The following LRFN5 variants were observed in gnomAD, a reference collection of about 807,000 sequenced individuals.
LRFN5 encodes the protein leucine rich repeat and fibronectin type III domain containing 5.
In LRFN5, 24 loss-of-function variants were observed where a neutral mutation model predicts 45.6. The observed-to-expected ratio is 0.53, with a 90% confidence interval of 0.38 to 0.74. The LOEUF (loss-of-function observed/expected upper bound fraction) is 0.74. LRFN5 is among the 30% of genes least tolerant of loss of function. The pLI, the probability that LRFN5 is intolerant of heterozygous loss-of-function variation, is 0.00. For missense variants in LRFN5, 776 were observed against 861.5 expected, an observed-to-expected ratio of 0.90 and a Z score of 1.24; for synonymous variants, 340 against 313.8, an observed-to-expected ratio of 1.08 and a Z score of -0.88.
intron 1 of LRFN5, among the ~76,000 whole-genome samples, chr14:41,705,631 C>G (rs1406152665): frequency 2.0e-5 from 3 of 152,020 alleles, no homozygotes; most frequent in Non-Finnish European, 4.4e-5. Flanking sequence ...TTGTCCAGCT[C>G]TTCTGTTCTT....
intron 1 of LRFN5, among the ~76,000 whole-genome samples, chr14:41,647,469 C>T (rs1007853382): frequency 6.6e-6 from 1 of 152,058 alleles, no homozygotes; most frequent in Non-Finnish European, 1.5e-5. Flanking sequence ...GTAGGTACGT[C>T]AGGAGATTTT....
intron 2 of LRFN5, among the ~76,000 whole-genome samples, chr14:41,882,421 A>G (rs145309879): frequency 1.3e-5 from 2 of 152,246 alleles, no homozygotes; most frequent in African/African-American, 4.8e-5. Context: ...GATAACTGAA[A>G]TCCCTGAGGG....
rs370415610 is a variant in LRFN5, at chr14:41,796,327, A to G, written c.-21+29298A>G. On this transcript the variant is annotated intron_variant, in intron 2 of 5. Coordinates refer to ENST00000298119, the MANE Select transcript of LRFN5 (RefSeq NM_152447.5). ...ATAAACTTGTTATTCAGATATTACC[A>G]GCATTAAAATATTGCTGCCATGTGT... Among the ~76,000 whole-genome samples the G allele has an allele frequency of 1.2e-4, 18 of 152,112 alleles. No homozygotes were observed. In the East Asian group the frequency reaches 3.3e-3, roughly 28 times the overall value.
chr14:41,617,269 C>G (rs375974014), intron 1 of LRFN5, among the ~76,000 whole-genome samples: 2 of 152,212 alleles, frequency 1.3e-5, no homozygotes, highest in East Asian at 3.9e-4. Context: ...TTTCTGTACT[C>G]TATGCACTAA....
At chr14:41,764,545 G>A (rs1054359799) in intron 1 of LRFN5, among the ~76,000 whole-genome samples, 1 of 152,054 alleles carries the variant, frequency 6.6e-6, no homozygotes, top group African/African-American at 2.4e-5. Context: ...CTAAAATAAA[G>A]ACATAGACCT....
chr14:41,751,580 A>G (rs1252983041), intron 1 of LRFN5, among the ~76,000 whole-genome samples: 1 of 151,972 alleles, frequency 6.6e-6, no homozygotes, highest in Non-Finnish European at 1.5e-5. Context: ...GTATCTGTTT[A>G]TCTCATCTTT....
chr14:41,744,396 A>G (rs1470967171), intron 1 of LRFN5, among the ~76,000 whole-genome samples: 1 of 152,138 alleles, frequency 6.6e-6, no homozygotes, highest in Non-Finnish European at 1.5e-5. Context: ...AGAGAGAAAT[A>G]AATTTAACCA....
At chr14:41,685,156 T>C (rs1245688137) in intron 1 of LRFN5, among the ~76,000 whole-genome samples, 1 of 152,092 alleles carries the variant, frequency 6.6e-6, no homozygotes, top group Non-Finnish European at 1.5e-5. Context: ...ACAAATGTAG[T>C]GAGGATGTAG....
At chr14:41,809,565 TAA>T (rs1376367522) in intron 2 of LRFN5, among the ~76,000 whole-genome samples, 1 of 151,860 alleles carries the variant, frequency 6.6e-6, no homozygotes, top group Non-Finnish European at 1.5e-5. Context: ...GTAAGGATGT[TAA>T]GAGTGTTTAT....
At position 41,630,289 on chromosome 14, in the gene LRFN5, AG is replaced by A. The variant is rs536765243; in HGVS notation, c.-197+21730del. ...GCATTCCTCTGGATTAAATCACTTTAGGGCAAAGACTTTTTTTCAGTTTTGT... is the reference window on the plus strand; with the variant it reads ...GCATTCCTCTGGATTAAATCACTTTAGGCAAAGACTTTTTTTCAGTTTTGT... On this transcript the variant is annotated intron_variant, in intron 1 of 5. Transcript: ENST00000298119. 1.4e-4 allele frequency among the ~76,000 whole-genome samples: 21 copies of A among 152,274 alleles called. No homozygotes were observed. The East Asian group carries it at 3.3e-3, about 24-fold the overall frequency.
intron 1 of LRFN5, among the ~76,000 whole-genome samples, chr14:41,734,383 A>T (rs1440622690): frequency 9.4e-6 from 1 of 105,852 alleles, no homozygotes; most frequent in Non-Finnish European, 2.0e-5. Flanking sequence ...TTGACCTTTT[A>T]TTGTTTTATA....
chr14:41,614,442 T>C (rs1887865575), intron 1 of LRFN5, among the ~76,000 whole-genome samples: 1 of 152,138 alleles, frequency 6.6e-6, no homozygotes, highest in African/African-American at 2.4e-5. Context: ...TTAAACAATA[T>C]ATTACTGGAC....
At chr14:41,827,611 G>A (rs1888342727) in intron 2 of LRFN5, among the ~76,000 whole-genome samples, 1 of 151,898 alleles carries the variant, frequency 6.6e-6, no homozygotes, top group African/African-American at 2.4e-5. Flanking sequence ...GGCACCATCT[G>A]ATATTAATTT....
At chr14:41,793,437 A>C (rs1441855045) in intron 2 of LRFN5, among the ~76,000 whole-genome samples, 1 of 152,076 alleles carries the variant, frequency 6.6e-6, no homozygotes, top group African/African-American at 2.4e-5. Flanking sequence ...ATAATATTGT[A>C]ACTTTTGGAA....
At chr14:41,759,486 CACACACACACACAGAG>C (rs1566657025) in intron 1 of LRFN5, among the ~76,000 whole-genome samples, 5 of 72,548 alleles carry the variant, frequency 6.9e-5, no homozygotes, top group African/African-American at 2.5e-4. Flanking sequence ...CACACACACA[CACACACACACACAGAG>C]AGAGCACCAG....
At chr14:41,748,991 T>C (rs1414371869) in intron 1 of LRFN5, among the ~76,000 whole-genome samples, 1 of 151,898 alleles carries the variant, frequency 6.6e-6, no homozygotes, top group African/African-American at 2.4e-5. Context: ...GGTCACTCCA[T>C]GATAGAAGGG....
chr14:41,700,071 A>G (rs546508267), intron 1 of LRFN5: 22 of 152,220 alleles, frequency 1.4e-4, no homozygotes, highest in African/African-American at 4.3e-4. Context: ...GTTTGCTACT[A>G]GAAACATGAA....
Position 41,725,400 on chromosome 14 carries a change from T to C in LRFN5, c.-196-41454T>C, listed in dbSNP as rs1404608387. On this transcript the variant is annotated intron_variant, in intron 1 of 5. Coordinates refer to ENST00000298119, the MANE Select transcript of LRFN5 (RefSeq NM_152447.5). ...TCACTGCATCTTGATTCACAAGTTT[T>C]ATTTCTGTATATCATGTGGTAGTTA... Among the ~76,000 whole-genome samples the C allele has an allele frequency of 2.0e-4, 31 of 152,212 alleles. 1 individual carries two copies. The highest frequency in any genetic ancestry group is 2.0e-3 in the Admixed American group (31 of 15,270).
At chr14:41,698,783 C>T (rs184970171) in intron 1 of LRFN5, among the ~76,000 whole-genome samples, 1 of 151,704 alleles carries the variant, frequency 6.6e-6, no homozygotes, top group African/African-American at 2.4e-5. Flanking sequence ...TCTTTCAGTT[C>T]TAAAATTATG....
Sources: allele counts gnomAD v4.1 joint callset (sites outside exome capture counted in the v4.1 genomes callset), GRCh38; gene constraint gnomAD v4.1.1; transcripts MANE v1.5; gene names NCBI Gene and HGNC (gene_info 2026-07-23, HGNC 2026-07-21).